ADD3: variants seen among roughly 807,000 people sequenced by gnomAD.
The protein encoded by ADD3 is gamma-adducin.
ADD3 carries 25 observed loss-of-function variants against 80.2 expected under a neutral mutation model. The ratio of observed to expected loss-of-function variants is 0.31; its 90% CI spans 0.23 to 0.44. The LOEUF (loss-of-function observed/expected upper bound fraction) is 0.44. Ranked by LOEUF, ADD3 falls within the 20% of genes least tolerant of loss-of-function variation. The probability of loss-of-function intolerance (pLI) is 1.00; values close to 1 mark genes in which losing one functional copy is unlikely to be tolerated. For synonymous variants in ADD3, 284 were observed against 289.6 expected, an observed-to-expected ratio of 0.98 and a Z score of 0.20; for missense variants, 829 against 847.5, an observed-to-expected ratio of 0.98 and a Z score of 0.27.
At chr10:109,996,559 A>G (rs1397696479) in intron 1 of ADD3, 1 of 152,228 alleles carries the variant, frequency 6.6e-6, no homozygotes, top group African/African-American at 2.4e-5. Context: ...AAAGGACAGG[A>G]TGTTCCTCTT....
At chr10:110,130,940 A>T (rs1258406447) in intron 13 of ADD3, among the ~76,000 whole-genome samples, 1 of 152,184 alleles carries the variant, frequency 6.6e-6, no homozygotes, top group Admixed American at 6.5e-5. Context: ...AGATTCCCAG[A>T]TGAGTAAAGA....
intron 1 of ADD3, among the ~76,000 whole-genome samples, chr10:110,022,125 G>A (rs934469507): frequency 6.6e-6 from 1 of 151,652 alleles, no homozygotes; most frequent in African/African-American, 2.4e-5. Flanking sequence ...TGATAACTCA[G>A]GGGTGAGTCT....
At chr10:110,130,228 G>A (rs1172916584) in intron 12 of ADD3, 135 bp from the exon 13 acceptor site, 1 of 863,668 alleles carries the variant, frequency 1.2e-6, no homozygotes, top group Admixed American at 2.5e-5. Context: ...ATGTTACCTT[G>A]CATTTCTTAG....
intron 1 of ADD3, among the ~76,000 whole-genome samples, chr10:110,045,347 C>CT (rs1856801778): frequency 6.6e-6 from 1 of 151,516 alleles, no homozygotes; most frequent in Non-Finnish European, 1.5e-5. Flanking sequence ...CAGCAAGACT[C>CT]TGTCTCAAAA....
At chr10:110,124,327 T>C in intron 10 of ADD3, 53 bp downstream of exon 10, 1 of 1,573,022 alleles carries the variant, frequency 6.4e-7, no homozygotes, top group Non-Finnish European at 8.7e-7. Context: ...GCCTAGTTAC[T>C]CAAGAATTGA....
At chr10:110,118,510 A>G (rs1054658407) in intron 5 of ADD3, 77 bp from the exon 6 acceptor site, 83 of 1,304,942 alleles carry the variant, frequency 6.4e-5, no homozygotes, top group Non-Finnish European at 8.0e-5. Flanking sequence ...AAGGTTTGCT[A>G]CCCCCTGGTT....
chr10:110,083,486 A>C (rs1846324957), intron 1 of ADD3, among the ~76,000 whole-genome samples: 2 of 151,998 alleles, frequency 1.3e-5, no homozygotes, highest in Admixed American at 1.3e-4. Context: ...ACTGCACTCC[A>C]GCCTGGGTGA....
At chr10:110,111,690 C>CG (rs1196201789) in intron 2 of ADD3, among the ~76,000 whole-genome samples, 1 of 152,090 alleles carries the variant, frequency 6.6e-6, no homozygotes, top group East Asian at 1.9e-4. Context: ...CAGAGGTGGG[C>CG]GGATCACCTG....
At position 110,135,095 on chromosome 10, in the gene ADD3, T is replaced by C. The variant is rs528050654; in HGVS notation, c.*1477T>C. 1 of 152,272 alleles carries C rather than the reference T, an allele frequency of 6.6e-6. No homozygotes were observed. The highest frequency in any genetic ancestry group is 6.5e-5 in the Admixed American group (1 of 15,278). 9.4% of individuals were successfully genotyped at this position (152,272 alleles called of 1,614,324 possible). ...GTGAGTTGGCATGCAAAAAATTACA[T>C]TGATTACAGTGTGTTTTGGAGCTGG... On this transcript the variant is annotated 3_prime_UTR_variant, in exon 15 of 15. Coordinates refer to ENST00000356080, the MANE Select transcript of ADD3 (RefSeq NM_016824.5).
chr10:110,021,571 G>A (rs1304942394), intron 1 of ADD3, among the ~76,000 whole-genome samples: 1 of 152,172 alleles, frequency 6.6e-6, no homozygotes, highest in Non-Finnish European at 1.5e-5. Context: ...TATTATAAAT[G>A]AACCTTGAAA....
In ADD3 at chr10:110,112,788, A is replaced by G; in HGVS notation, c.207A>G (p.Glu69=). 6 of 1,613,248 alleles carry G rather than the reference A, an allele frequency of 3.7e-6. No individual in the cohort carries two copies. Among genetic ancestry groups the G allele is most frequent in the Middle Eastern group, 1.7e-4 (1 of 6,054 alleles). The change falls in exon 3 of 15, where the codon GAA becomes GAG. Residue 69 remains glutamate, a synonymous_variant. Transcript: ENST00000356080. The stretch of plus-strand genomic sequence containing the variant: ...TTTGTGTATTACAGGCCTTTCGGGA[A>G]GACTTGGAATGCCTTATTCAAGAAC... ...TQILQSPAFR[E]DLECLIQEQM...
chr10:110,058,033 G>T (rs933187657), intron 1 of ADD3, among the ~76,000 whole-genome samples: 1 of 151,856 alleles, frequency 6.6e-6, no homozygotes, highest in Non-Finnish European at 1.5e-5. Context: ...GGGACAAAAT[G>T]ATTTTCCCAC....
At chr10:110,107,137 T>C (rs908543278) in intron 2 of ADD3, among the ~76,000 whole-genome samples, 1 of 151,946 alleles carries the variant, frequency 6.6e-6, no homozygotes, top group African/African-American at 2.4e-5. Context: ...AAAGACACAG[T>C]TTCAGTCCTC....
At chr10:110,087,603 T>C (rs1846951421) in intron 1 of ADD3, among the ~76,000 whole-genome samples, 1 of 152,186 alleles carries the variant, frequency 6.6e-6, no homozygotes, top group Non-Finnish European at 1.5e-5. Flanking sequence ...GTCATGCCAT[T>C]GTGGAAAACC....
chr10:110,021,994 TAGAAAGTTGGATGAAACA>T (rs1306362585), intron 1 of ADD3, among the ~76,000 whole-genome samples: 29 of 152,298 alleles, frequency 1.9e-4, no homozygotes, highest in African/African-American at 7.0e-4. Flanking sequence ...GTTTTCCCAG[TAGAAAGTTGGATGAAACA>T]AGAATTACCG....
chr10:110,114,979 T>C (rs7082687), intron 3 of ADD3, among the ~76,000 whole-genome samples: 3,393 of 150,624 alleles, frequency 0.023, 134 homozygotes, highest in African/African-American at 0.075. Context: ...CTCAGGAGGC[T>C]GAGGTGGAAG....
intron 2 of ADD3, among the ~76,000 whole-genome samples, chr10:110,103,139 T>C (rs1422583684): frequency 6.6e-6 from 1 of 152,256 alleles, no homozygotes; most frequent in African/African-American, 2.4e-5. Flanking sequence ...ACATTTTGTC[T>C]TCCTGCCATA....
rs756986008 is a variant in ADD3, at chr10:110,046,506, C to T, written c.-30+38207C>T. ...GGTCATCTATATGTAATTCTGGAGA[C>T]GGGGAGGATCAAAAGCTTTGAAGGA... On this transcript the variant is annotated intron_variant, in intron 1 of 14. Coordinates refer to ENST00000356080, the MANE Select transcript of ADD3 (RefSeq NM_016824.5). Among the ~76,000 whole-genome samples, 5 of 150,518 alleles carry T rather than the reference C, an allele frequency of 3.3e-5. No homozygotes were observed. In the South Asian group the frequency reaches 6.3e-4, roughly 19 times the overall value.
chr10:110,132,396 A>G lies in ADD3; in HGVS notation c.1824A>G (p.Leu608=), dbSNP rs1853142335. The G allele has an allele frequency of 6.2e-7, 1 of 1,605,076 alleles. No individual in the cohort carries two copies. Among genetic ancestry groups the G allele is most frequent in the African/African-American group, 1.3e-5 (1 of 74,750 alleles). Residue 608 remains leucine, a synonymous_variant, in exon 14 of 15, where the codon TTA becomes TTG. Transcript: ENST00000356080. ...TQSPQNVPEK[L]EENHELFSKS... ...CACCGCAAAATGTCCCTGAAAAATT[A>G]GAAGGTACTCAATGTAATTTCCCAC...
Sources: gnomAD v4.1 joint callset for allele counts (sites outside exome capture counted in the v4.1 genomes callset) on GRCh38, gnomAD v4.1.1 for gene constraint, MANE v1.5 for transcripts, NCBI Gene and HGNC (gene_info 2026-07-23, HGNC 2026-07-21) for gene names.